The following TLE1 variants were observed in gnomAD, a reference collection of about 807,000 sequenced individuals.
TLE1 encodes the protein transducin-like enhancer protein 1.
A neutral mutation model predicts 89.8 loss-of-function variants in TLE1; 21 were observed. The observed-to-expected ratio is 0.23, with a 90% confidence interval of 0.17 to 0.34. The LOEUF (loss-of-function observed/expected upper bound fraction) is 0.34. TLE1 is among the 10% of genes least tolerant of loss of function. The pLI is 1.00. For missense variants in TLE1, 795 were observed against 1,031.2 expected (o/e 0.77, Z 3.14); for synonymous variants, 447 against 407.6 (o/e 1.10, Z -1.16).
At chr9:81,592,918 G>A (rs1389142639) in intron 15 of TLE1, 107 bp downstream of exon 15, 1 of 1,420,848 alleles carries the variant, frequency 7.0e-7, no homozygotes, top group African/African-American at 1.4e-5. Context: ...AAACAGAAGG[G>A]GCTTCTATTT....
chr9:81,639,570 A>C (rs1192544949), intron 6 of TLE1, among the ~76,000 whole-genome samples: 1 of 151,506 alleles, frequency 6.6e-6, no homozygotes, highest in African/African-American at 2.4e-5. Context: ...TGATTAGTAA[A>C]AGTTGTTTTT....
At chr9:81,668,146 C>T (rs1162163075) in intron 4 of TLE1, among the ~76,000 whole-genome samples, 1 of 147,070 alleles carries the variant, frequency 6.8e-6, no homozygotes, top group East Asian at 2.0e-4. Flanking sequence ...GCAGCCTGGG[C>T]GACAGAACAA....
Position 81,688,425 on chromosome 9 carries a change from T to G in TLE1, c.-185A>C. ...CGCCCGCAGCTGCTCCGGCTCCCGC[T>G]CCCGTCGGTGCGGGCTCCGGCCCTC... On this transcript the variant is annotated 5_prime_UTR_variant, in exon 1 of 20. Coordinates refer to ENST00000376499, the MANE Select transcript of TLE1 (RefSeq NM_005077.5). 1.7e-6 allele frequency: 1 copy of G among 577,070 alleles called. No homozygotes were observed. Among genetic ancestry groups the G allele is most frequent in the East Asian group, 3.6e-5 (1 of 27,586 alleles). 35.7% of individuals were successfully genotyped at this position (577,070 alleles called of 1,614,324 possible).
chr9:81,687,908 G>A (rs977343886), intron 1 of TLE1, among the ~76,000 whole-genome samples: 11 of 152,284 alleles, frequency 7.2e-5, no homozygotes, highest in South Asian at 2.1e-4. Context: ...AAACAAAGGG[G>A]GGGGCGCCCT....
intron 4 of TLE1, among the ~76,000 whole-genome samples, chr9:81,682,950 G>T (rs1833809532): frequency 6.6e-6 from 1 of 152,204 alleles, no homozygotes; most frequent in African/African-American, 2.4e-5. Context: ...GAAAGTAAAG[G>T]CAAGGCTTAT....
intron 6 of TLE1, among the ~76,000 whole-genome samples, chr9:81,647,419 T>G (rs1225170934): frequency 6.6e-6 from 1 of 152,260 alleles, no homozygotes; most frequent in African/African-American, 2.4e-5. Context: ...CCATCCTTTT[T>G]CACTACTGTT....
At chr9:81,637,868 C>T (rs1827604743) in intron 6 of TLE1, among the ~76,000 whole-genome samples, 1 of 152,006 alleles carries the variant, frequency 6.6e-6, no homozygotes, top group Non-Finnish European at 1.5e-5. Flanking sequence ...GGGTAGGTAT[C>T]ATGATACCTA....
chr9:81,609,053 C>CCCCCT (rs1294726592), intron 14 of TLE1, among the ~76,000 whole-genome samples: 2 of 151,832 alleles, frequency 1.3e-5, no homozygotes, highest in East Asian at 1.9e-4. Flanking sequence ...CAAAGACCTG[C>CCCCCT]CCCCTCCCCT....
At chr9:81,654,958 G>A (rs1829983899) in intron 4 of TLE1, among the ~76,000 whole-genome samples, 1 of 152,108 alleles carries the variant, frequency 6.6e-6, no homozygotes, top group South Asian at 2.1e-4. Context: ...CTGAGTATTC[G>A]GAAAGTTTCG....
intron 4 of TLE1, among the ~76,000 whole-genome samples, chr9:81,660,773 A>G (rs1309322732): frequency 6.6e-6 from 1 of 151,420 alleles, no homozygotes; most frequent in African/African-American, 2.4e-5. Flanking sequence ...TCAGCAATCA[A>G]TCAAACTCTA....
chr9:81,641,733 T>C (rs1002227948), intron 6 of TLE1, among the ~76,000 whole-genome samples: 1 of 152,074 alleles, frequency 6.6e-6, no homozygotes, highest in Non-Finnish European at 1.5e-5. Flanking sequence ...CAATGAAATA[T>C]CACCTCAGGC....
At chr9:81,664,926 A>C (rs577597777) in intron 4 of TLE1, among the ~76,000 whole-genome samples, 1 of 152,334 alleles carries the variant, frequency 6.6e-6, no homozygotes, top group African/African-American at 2.4e-5. Context: ...ACTGGGGAAC[A>C]TGCTTTGAGA....
intron 14 of TLE1, among the ~76,000 whole-genome samples, chr9:81,601,414 G>A (rs1830909344): frequency 6.6e-6 from 1 of 152,046 alleles, no homozygotes; most frequent in African/African-American, 2.4e-5. Flanking sequence ...TAAACAAGTG[G>A]GTAGAAGATT....
At chr9:81,627,572 T>G (rs1474996365) in intron 8 of TLE1, among the ~76,000 whole-genome samples, 1 of 152,150 alleles carries the variant, frequency 6.6e-6, no homozygotes, top group African/African-American at 2.4e-5. Context: ...AGCAGAGTTT[T>G]AAACTTGGCC....
rs77017278 is a variant in TLE1, at chr9:81,616,271, T to C, written c.766-137A>G. 640 of 1,050,484 alleles carry C rather than the reference T, an allele frequency of 6.1e-4. 3 individuals are homozygous for C. The African/African-American group carries it at 8.8e-3, about 14-fold the overall frequency. The allele number at this position is 1,050,484 out of a possible 1,614,324, so 65.1% of individuals were successfully genotyped here. A position where few individuals can be genotyped will look rare whatever the true frequency, so the allele number is the denominator to read the frequency against. On this transcript the variant is annotated intron_variant, in intron 10 of 19. Coordinates refer to ENST00000376499, the MANE Select transcript of TLE1 (RefSeq NM_005077.5). ...GGGTTGTACAAGGTGACCAACACCA[T>C]GTTATAAATGAGCAATATGGTGTCG...
At chr9:81,640,320 A>G (rs1390268201) in intron 6 of TLE1, among the ~76,000 whole-genome samples, 1 of 152,138 alleles carries the variant, frequency 6.6e-6, no homozygotes, top group Non-Finnish European at 1.5e-5. Context: ...TTTCATCGCC[A>G]TCTGAGTACC....
intron 6 of TLE1, among the ~76,000 whole-genome samples, chr9:81,641,930 G>C (rs1828175073): frequency 6.6e-6 from 1 of 152,166 alleles, no homozygotes; most frequent in Non-Finnish European, 1.5e-5. Context: ...GTTGAGGCAG[G>C]AGAATTGCTT....
At chr9:81,658,304 T>A (rs1173933867) in intron 4 of TLE1, among the ~76,000 whole-genome samples, 1 of 152,136 alleles carries the variant, frequency 6.6e-6, no homozygotes, top group Non-Finnish European at 1.5e-5. Context: ...AAGGGCCGAC[T>A]GTACTATGTA....
chr9:81,682,149 G>C (rs1053709083), intron 4 of TLE1, among the ~76,000 whole-genome samples: 1 of 151,980 alleles, frequency 6.6e-6, no homozygotes, highest in African/African-American at 2.4e-5. Flanking sequence ...AGCTACTCCG[G>C]AGGCTGAGGC....
Sources: allele counts gnomAD v4.1 joint callset (sites outside exome capture counted in the v4.1 genomes callset), GRCh38; gene constraint gnomAD v4.1.1; transcripts MANE v1.5; gene names NCBI Gene and HGNC (gene_info 2026-07-23, HGNC 2026-07-21).